The following UTS2B variants were observed in gnomAD, a reference collection of about 807,000 sequenced individuals.
The protein encoded by UTS2B is urotensin-2B.
Under a neutral mutation model 19.2 loss-of-function variants are expected in UTS2B, and 21 were observed. That is an observed-to-expected ratio of 1.09 (90% confidence interval 0.78 to 1.58). UTS2B has a LOEUF of 1.58. UTS2B is among the 40% of genes most tolerant of loss of function. The probability of loss-of-function intolerance (pLI) is 0.00; values close to 1 mark genes in which losing one functional copy is unlikely to be tolerated. For synonymous variants in UTS2B, 57 were observed against 50.2 expected, an observed-to-expected ratio of 1.14 and a Z score of -0.58; for missense variants, 138 against 130.3, an observed-to-expected ratio of 1.06 and a Z score of -0.29.
chr3:191,320,051 T>TA (rs1363656566), intron 2 of UTS2B, among the ~76,000 whole-genome samples: 1 of 152,150 alleles, frequency 6.6e-6, no homozygotes, highest in African/African-American at 2.4e-5. Flanking sequence ...TACTGACAAT[T>TA]ACAGCATTAA....
At chr3:191,329,551 C>T in intron 1 of UTS2B, 1 of 922,312 alleles carries the variant, frequency 1.1e-6, no homozygotes, top group South Asian at 1.9e-5. Context: ...GTTCTCCGGC[C>T]TGCGAGCCCT....
At chr3:191,294,642 A>T (rs1358500839) in intron 4 of UTS2B, 1 of 151,628 alleles carries the variant, frequency 6.6e-6, no homozygotes, top group African/African-American at 2.4e-5. Context: ...TATTCTTCCA[A>T]TCTTCTCAGG....
chr3:191,317,602 G>A (rs1453778896), intron 2 of UTS2B, among the ~76,000 whole-genome samples: 12 of 121,122 alleles, frequency 9.9e-5, no homozygotes, highest in Non-Finnish European at 1.9e-5. Flanking sequence ...TTGTTGAGTT[G>A]GAGTTTCCCT....
At chr3:191,309,243 G>A (rs1162756612) in intron 3 of UTS2B, among the ~76,000 whole-genome samples, 1 of 152,062 alleles carries the variant, frequency 6.6e-6, no homozygotes, top group Non-Finnish European at 1.5e-5. Context: ...CTCACTGCAA[G>A]CTCCGCCTCC....
At chr3:191,298,418 TTA>T (rs892351869) in intron 4 of UTS2B, among the ~76,000 whole-genome samples, 9 of 152,142 alleles carry the variant, frequency 5.9e-5, no homozygotes, top group African/African-American at 2.2e-4. Flanking sequence ...ATCTGGTTGT[TTA>T]AAAGTGTGTG....
intron 4 of UTS2B, among the ~76,000 whole-genome samples, chr3:191,288,567 C>T (rs1260964994): frequency 6.6e-6 from 1 of 152,084 alleles, no homozygotes; most frequent in Non-Finnish European, 1.5e-5. Flanking sequence ...ACTGAATATT[C>T]ACATTCAAAA....
the UTS2B span, among the ~76,000 whole-genome samples, chr3:191,344,601 C>T: frequency 6.6e-5 from 10 of 152,106 alleles, no homozygotes; most frequent in South Asian, 2.1e-4. Context: ...GTTTTGGAGA[C>T]GGAGTCTCGC....
intron 6 of UTS2B, among the ~76,000 whole-genome samples, 164 bp downstream of exon 6, chr3:191,277,908 T>G (rs1716278648): frequency 6.6e-6 from 1 of 151,856 alleles, no homozygotes; most frequent in African/African-American, 2.4e-5. Flanking sequence ...ACTCCATGGA[T>G]TTAACATAAA....
intron 3 of UTS2B, among the ~76,000 whole-genome samples, chr3:191,309,306 C>T (rs532977090): frequency 3.3e-5 from 5 of 152,040 alleles, no homozygotes; most frequent in Non-Finnish European, 5.9e-5. Context: ...GGACTACAGG[C>T]GCCTACCACC....
intron 7 of UTS2B, among the ~76,000 whole-genome samples, 163 bp from the exon 8 acceptor site, chr3:191,275,508 G>A (rs187930447): frequency 3.9e-5 from 6 of 152,150 alleles, no homozygotes; most frequent in African/African-American, 9.6e-5. Context: ...GTGAAACTCC[G>A]CCTCTACTAA....
the UTS2B span, among the ~76,000 whole-genome samples, chr3:191,343,784 C>A: frequency 6.6e-6 from 1 of 152,138 alleles, no homozygotes; most frequent in African/African-American, 2.4e-5. Context: ...TCAGTAAGTG[C>A]TTGGTAAAGT....
the UTS2B span, among the ~76,000 whole-genome samples, chr3:191,345,331 AT>A: frequency 6.6e-6 from 1 of 152,204 alleles, no homozygotes; most frequent in Admixed American, 6.5e-5. Context: ...TTTAAAAATC[AT>A]TTATGGTAGC....
chr3:191,318,349 A>C (rs1717522317), intron 2 of UTS2B, among the ~76,000 whole-genome samples: 1 of 152,264 alleles, frequency 6.6e-6, no homozygotes, highest in Admixed American at 6.5e-5. Context: ...TGAGGTCACA[A>C]GAAAAGTAGC....
chr3:191,310,281 T>C (rs1010480303), intron 3 of UTS2B, among the ~76,000 whole-genome samples: 41 of 152,048 alleles, frequency 2.7e-4, no homozygotes, highest in African/African-American at 9.2e-4. Context: ...TTTTTTTTTT[T>C]TTATAGCAAT....
intron 8 of UTS2B, among the ~76,000 whole-genome samples, 196 bp downstream of exon 8, chr3:191,275,056 C>T (rs1251042805): frequency 6.6e-6 from 1 of 152,108 alleles, no homozygotes; most frequent in Non-Finnish European, 1.5e-5. Context: ...GTGAACTTGC[C>T]CCGTTGTAAA....
At chr3:191,335,081 C>T (rs961513559), upstream of UTS2B, among the ~76,000 whole-genome samples, 1 of 152,122 alleles carries the variant, frequency 6.6e-6, no homozygotes, top group African/African-American at 2.4e-5. Context: ...AGTCATAGGC[C>T]ATGGTCTTTC....
chr3:191,287,383 C>A (rs1479876366), intron 4 of UTS2B, among the ~76,000 whole-genome samples: 1 of 152,076 alleles, frequency 6.6e-6, no homozygotes, highest in Non-Finnish European at 1.5e-5. Flanking sequence ...AGATCAACAA[C>A]ACGTTAAAAT....
intron 4 of UTS2B, among the ~76,000 whole-genome samples, chr3:191,293,812 T>G (rs1716778853): frequency 6.6e-6 from 1 of 151,762 alleles, no homozygotes; most frequent in African/African-American, 2.4e-5. Flanking sequence ...TAAGTAGAAG[T>G]GAGGGCCTGG....
intron 4 of UTS2B, among the ~76,000 whole-genome samples, chr3:191,284,452 G>A (rs1461141561): frequency 1.3e-5 from 2 of 151,786 alleles, no homozygotes; most frequent in African/African-American, 4.8e-5. Context: ...CTCTTGAGTA[G>A]CTGGGATTAC....
Sources: gnomAD v4.1 joint callset for allele counts (sites outside exome capture counted in the v4.1 genomes callset) on GRCh38, gnomAD v4.1.1 for gene constraint, MANE v1.5 for transcripts, NCBI Gene and HGNC (gene_info 2026-07-23, HGNC 2026-07-21) for gene names.